ZNF423: variants seen among roughly 807,000 people sequenced by gnomAD.
ZNF423 encodes zinc finger protein 423.
Under a neutral mutation model 95.8 loss-of-function variants are expected in ZNF423, and 12 were observed. The ratio of observed to expected loss-of-function variants is 0.13; its 90% CI spans 0.08 to 0.20. ZNF423 has a LOEUF of 0.20. ZNF423 is among the 10% of genes least tolerant of loss of function. The probability of loss-of-function intolerance (pLI) is 1.00; values close to 1 mark genes in which losing one functional copy is unlikely to be tolerated. For missense variants in ZNF423, 1,316 were observed against 1,737.1 expected, an observed-to-expected ratio of 0.76 and a Z score of 4.31; for synonymous variants, 749 against 711.9, an observed-to-expected ratio of 1.05 and a Z score of -0.83.
Position 49,635,799 on chromosome 16 carries a change from G to C in ZNF423, c.3377C>G (p.Ala1126Gly), listed in dbSNP as rs766998725. 2 of 1,611,654 alleles carry C rather than the reference G, an allele frequency of 1.2e-6. No homozygotes were observed. The highest frequency in any genetic ancestry group is 2.7e-5 in the African/African-American group (2 of 74,902). Reference protein sequence around the residue: ...APPEPADRPCAGLRCPECSVK... With the variant: ...APPEPADRPCGGLRCPECSVK... ...ACTGCACTCGGGGCAACGGAGGCCG[G>C]CACAGGGCCGGTCGGCGGGCTCGGG... is the stretch of plus-strand genomic sequence containing the variant. The change falls in exon 4 of 8, where the codon GCC (alanine) becomes GGC (glycine). Residue 1126 changes from alanine (A) to glycine (G), a missense_variant. Transcript: ENST00000563137. The surrounding 1 kb of genome is among the most constrained non-coding windows in gnomAD (Gnocchi z 4.8).
chr16:49,732,603 T>C (rs755945778), intron 2 of ZNF423, among the ~76,000 whole-genome samples: 1 of 152,182 alleles, frequency 6.6e-6, no homozygotes, highest in Non-Finnish European at 1.5e-5. Context: ...ACATCACAGT[T>C]ACAGGAAAAG....
intron 7 of ZNF423, among the ~76,000 whole-genome samples, chr16:49,508,997 C>T (rs780912020): frequency 3.3e-5 from 5 of 152,132 alleles, no homozygotes; most frequent in Non-Finnish European, 7.3e-5. Context: ...AAAATACAAC[C>T]GTGAAATAAG....
intron 7 of ZNF423, among the ~76,000 whole-genome samples, chr16:49,515,252 C>T (rs1321349969): frequency 6.6e-6 from 1 of 152,252 alleles, no homozygotes; most frequent in African/African-American, 2.4e-5. Context: ...ATGGCGTTCC[C>T]ACCTGGGCTC....
chr16:49,614,608 T>G (rs1410492094), intron 5 of ZNF423, among the ~76,000 whole-genome samples: 4 of 152,170 alleles, frequency 2.6e-5, no homozygotes, highest in Admixed American at 2.6e-4. Flanking sequence ...GGGATTCTTG[T>G]GGCAATGGAA....
chr16:49,750,957 C>A (rs1353029823), intron 2 of ZNF423, among the ~76,000 whole-genome samples: 1 of 152,094 alleles, frequency 6.6e-6, no homozygotes, highest in Non-Finnish European at 1.5e-5. Flanking sequence ...CAAGCGGAGG[C>A]CAGTGTGTCT....
chr16:49,738,766 A>G (rs2033349014), intron 2 of ZNF423, among the ~76,000 whole-genome samples: 3 of 151,984 alleles, frequency 2.0e-5, no homozygotes. Flanking sequence ...AAGCCCTGGA[A>G]AGGCTTCCCC....
intron 1 of ZNF423, among the ~76,000 whole-genome samples, chr16:49,810,801 AC>A (rs1352389783): frequency 1.3e-5 from 2 of 152,220 alleles, no homozygotes; most frequent in Non-Finnish European, 2.9e-5. Flanking sequence ...CCTACCGGAC[AC>A]TTTCTGTGCA....
At chr16:49,669,103 G>A (rs2030683055) in intron 3 of ZNF423, among the ~76,000 whole-genome samples, 1 of 152,206 alleles carries the variant, frequency 6.6e-6, no homozygotes, top group Non-Finnish European at 1.5e-5. Context: ...GCCGAGGCAG[G>A]CAGATCACCT....
intron 5 of ZNF423, among the ~76,000 whole-genome samples, chr16:49,578,027 GAAGA>G (rs2151797502): frequency 6.6e-6 from 1 of 152,306 alleles, no homozygotes; most frequent in African/African-American, 2.4e-5. Context: ...CCTGCATTTG[GAAGA>G]AAGGCAGGAT....
intron 5 of ZNF423, among the ~76,000 whole-genome samples, chr16:49,592,284 G>A (rs1165354732): frequency 1.3e-5 from 2 of 151,870 alleles, no homozygotes; most frequent in Non-Finnish European, 2.9e-5. Context: ...TCTTTCTTCT[G>A]TTTATCAGCA....
intron 3 of ZNF423, among the ~76,000 whole-genome samples, chr16:49,690,527 A>T (rs2031738533): frequency 6.6e-6 from 1 of 152,220 alleles, no homozygotes; most frequent in Admixed American, 6.5e-5. Flanking sequence ...ATCTCTAAAC[A>T]AAAAACAATA....
At chr16:49,704,817 T>C (rs1332554355) in intron 3 of ZNF423, among the ~76,000 whole-genome samples, 1 of 152,008 alleles carries the variant, frequency 6.6e-6, no homozygotes, top group Non-Finnish European at 1.5e-5. Flanking sequence ...CTGCCAGAGC[T>C]TGGAACCAGG....
upstream of ZNF423, among the ~76,000 whole-genome samples, chr16:49,857,288 G>T (rs893040895): frequency 2.1e-5 from 3 of 140,692 alleles, no homozygotes; most frequent in Non-Finnish European, 4.6e-5. The surrounding 1 kb of genome is among the most constrained non-coding windows in gnomAD (Gnocchi z 6.2). Flanking sequence ...CCGGCCGCCC[G>T]CAAAACCCGG....
chr16:49,821,514 T>G (rs908398567), intron 1 of ZNF423, among the ~76,000 whole-genome samples: 5 of 152,144 alleles, frequency 3.3e-5, no homozygotes, highest in Non-Finnish European at 7.4e-5. Flanking sequence ...GTCCCACACC[T>G]GGGCTCGAGG....
chr16:49,746,605 G>A (rs1466452079), intron 2 of ZNF423, among the ~76,000 whole-genome samples: 2 of 152,116 alleles, frequency 1.3e-5, no homozygotes, highest in African/African-American at 4.8e-5. Context: ...AGCATCCTGA[G>A]TTGCTGGGAC....
chr16:49,834,563 G>A (rs2144069412), intron 1 of ZNF423, among the ~76,000 whole-genome samples: 1 of 152,222 alleles, frequency 6.6e-6, no homozygotes, highest in African/African-American at 2.4e-5. Context: ...CGCTCGCCAA[G>A]GAGGCGGTGG....
At chr16:49,743,152 C>A (rs1400263497) in intron 2 of ZNF423, among the ~76,000 whole-genome samples, 1 of 152,168 alleles carries the variant, frequency 6.6e-6, no homozygotes, top group Non-Finnish European at 1.5e-5. Flanking sequence ...CGCCCGCCTT[C>A]CACGCCAGGG....
At chr16:49,523,489 G>T in intron 7 of ZNF423, 135 bp downstream of exon 7, 2 of 703,548 alleles carry the variant, frequency 2.8e-6, no homozygotes, top group East Asian at 2.7e-5. Flanking sequence ...ATGCCTGCTA[G>T]CCAGGAGGTC....
intron 5 of ZNF423, among the ~76,000 whole-genome samples, chr16:49,620,764 C>G (rs1414647102): frequency 6.6e-6 from 1 of 152,180 alleles, no homozygotes; most frequent in African/African-American, 2.4e-5. Context: ...ATCTCAAGGA[C>G]AAGTTCTCAG....
Sources: gnomAD v4.1 joint callset for allele counts (sites outside exome capture counted in the v4.1 genomes callset) on GRCh38, gnomAD v4.1.1 for gene constraint, Gnocchi (gnomAD v3.1) non-coding constraint, MANE v1.5 for transcripts, NCBI Gene and HGNC (gene_info 2026-07-23, HGNC 2026-07-21) for gene names.